Variants in TSKU observed in about 807,000 individuals in gnomAD.
TSKU encodes the protein tsukushi, small leucine rich proteoglycan, also known as tsukushi.
TSKU carries 4 observed loss-of-function variants against 11.2 expected under a neutral mutation model. The ratio of observed to expected loss-of-function variants is 0.36; its 90% CI spans 0.18 to 0.82. The LOEUF is 0.82. Among genes scored for constraint, TSKU ranks in the 40% least tolerant of loss-of-function variants. The pLI, the probability that TSKU is intolerant of heterozygous loss-of-function variation, is 0.50. For missense variants in TSKU, 407 were observed against 482.5 expected (o/e 0.84, Z 1.47); for synonymous variants, 220 against 232.2 (o/e 0.95, Z 0.48).
At position 76,796,423 on chromosome 11, in the gene TSKU, G is replaced by C; in HGVS notation, c.807G>C (p.Trp269Cys). The C allele has an allele frequency of 6.2e-7, 1 of 1,613,596 alleles. No individual in the cohort carries two copies. The highest frequency in any genetic ancestry group is 8.5e-7 in the Non-Finnish European group (1 of 1,179,960). Reference sequence around the variant, plus strand: ...TGTCGGGCAACCCCAAGCTTAACTGGGCAGGAGCTGAGGTGTTTTCAGGCC... The same window carrying C: ...TGTCGGGCAACCCCAAGCTTAACTGCGCAGGAGCTGAGGTGTTTTCAGGCC... The part of the protein sequence containing the change: ...LDLSGNPKLN[W>C]AGAEVFSGLS... The change falls in exon 2 of 2, where the codon TGG becomes TGC. Residue 269 changes from tryptophan (W) to cysteine (C), a missense_variant. Physicochemically the swap from Trp to Cys is radical, Grantham distance 215 (BLOSUM62 -2). Coordinates refer to ENST00000333090, the MANE Select transcript of TSKU (RefSeq NM_015516.4). This position sits in a 1 kb window ranked among gnomAD's most constrained non-coding sequence, Gnocchi z 4.1.
intron 1 of TSKU, among the ~76,000 whole-genome samples, chr11:76,794,440 C>T (rs1322180704): frequency 6.6e-6 from 1 of 152,208 alleles, no homozygotes; most frequent in Admixed American, 6.5e-5. Flanking sequence ...CCCTCCTGCA[C>T]CCTGCCTCTC....
intron 1 of TSKU, among the ~76,000 whole-genome samples, chr11:76,789,947 T>A (rs1944349276): frequency 6.6e-6 from 1 of 151,822 alleles, no homozygotes; most frequent in Non-Finnish European, 1.5e-5. Flanking sequence ...TTAGTGATCT[T>A]GTTATAAGTT....
At chr11:76,790,570 A>G (rs1470430646) in intron 1 of TSKU, among the ~76,000 whole-genome samples, 4 of 152,092 alleles carry the variant, frequency 2.6e-5, no homozygotes, top group Non-Finnish European at 2.9e-5. Context: ...CAGAATTCCC[A>G]TGTGTTGTGG....
intron 1 of TSKU, among the ~76,000 whole-genome samples, chr11:76,790,553 T>C (rs530395624): frequency 2.4e-4 from 36 of 152,298 alleles, no homozygotes; most frequent in African/African-American, 4.3e-4. Context: ...ACTTGAATTG[T>C]ATCTCCCAGA....
At chr11:76,795,083 G>T (rs1944422301) in intron 1 of TSKU, among the ~76,000 whole-genome samples, 1 of 152,218 alleles carries the variant, frequency 6.6e-6, no homozygotes, top group Non-Finnish European at 1.5e-5. Context: ...CCAGAACAGT[G>T]CCTGACGTGT....
In TSKU at chr11:76,797,042, G is replaced by A. The variant is rs1944463721; in HGVS notation, c.*364G>A. 1 of 200,624 alleles carries A rather than the reference G, an allele frequency of 5.0e-6. No individual in the cohort carries two copies. The highest frequency in any genetic ancestry group is 1.1e-5 in the Non-Finnish European group (1 of 90,798). 12.4% of individuals were successfully genotyped at this position (200,624 alleles called of 1,614,324 possible). On this transcript the variant is annotated 3_prime_UTR_variant, in exon 2 of 2. Coordinates refer to ENST00000333090, the MANE Select transcript of TSKU (RefSeq NM_015516.4). ...GTGGGACCCCCTGCTGCAGGGCAGA[G>A]TTCAGGTCCACTGGGCTGAGTGTCC... is the stretch of plus-strand genomic sequence containing the variant.
At chr11:76,790,651 A>G (rs1053789712) in intron 1 of TSKU, among the ~76,000 whole-genome samples, 1 of 152,154 alleles carries the variant, frequency 6.6e-6, no homozygotes, top group African/African-American at 2.4e-5. Flanking sequence ...TGCCACTGCC[A>G]TGTAAGAAGT....
chr11:76,787,966 A>C (rs1023444942), intron 1 of TSKU, among the ~76,000 whole-genome samples: 1 of 152,158 alleles, frequency 6.6e-6, no homozygotes, highest in Non-Finnish European at 1.5e-5. Flanking sequence ...TGGAGAGCAC[A>C]TGGTGGGCTG....
upstream of TSKU, chr11:76,783,185 G>T (rs1944257112): frequency 1.3e-5 from 2 of 152,066 alleles, no homozygotes; most frequent in South Asian, 4.1e-4. Flanking sequence ...CAGGCTCCGC[G>T]GGCGGGGCGC....
chr11:76,790,003 G>T (rs772440834), intron 1 of TSKU, among the ~76,000 whole-genome samples: 1 of 151,992 alleles, frequency 6.6e-6, no homozygotes, highest in Non-Finnish European at 1.5e-5. Context: ...TGAGGACAGG[G>T]ACCCTAGTAT....
intron 1 of TSKU, among the ~76,000 whole-genome samples, chr11:76,789,484 C>T (rs1944343618): frequency 6.6e-6 from 1 of 152,190 alleles, no homozygotes; most frequent in Non-Finnish European, 1.5e-5. Context: ...GGGGCCGTAC[C>T]ATTTACTCTT....
chr11:76,786,524 A>G (rs1251801227), intron 1 of TSKU, among the ~76,000 whole-genome samples: 2 of 152,222 alleles, frequency 1.3e-5, no homozygotes, highest in Non-Finnish European at 2.9e-5. Flanking sequence ...GATGGGTTTT[A>G]AAGAGGGAGC....
At chr11:76,794,411 A>T (rs534453175) in intron 1 of TSKU, among the ~76,000 whole-genome samples, 1 of 152,216 alleles carries the variant, frequency 6.6e-6, no homozygotes, top group Non-Finnish European at 1.5e-5. Flanking sequence ...ATGCCACAGC[A>T]TGTGTCAGTG....
chr11:76,784,429 C>G (rs1379939927), intron 1 of TSKU: 1 of 152,470 alleles, frequency 6.6e-6, no homozygotes, highest in Non-Finnish European at 1.5e-5. Flanking sequence ...TCACAGGACC[C>G]GGAGCTGGGC....
At chr11:76,784,907 C>G (rs1944296392) in intron 1 of TSKU, among the ~76,000 whole-genome samples, 1 of 152,236 alleles carries the variant, frequency 6.6e-6, no homozygotes, top group Non-Finnish European at 1.5e-5. Flanking sequence ...GGCCGCTAAC[C>G]TGGGAAAGAA....
exon 1 of TSKU, chr11:76,783,345 GGGCCCGCGGCC>G (rs1479383332): frequency 6.6e-6 from 1 of 151,230 alleles, no homozygotes; most frequent in East Asian, 1.9e-4. Flanking sequence ...GCTGGCCGGA[GGGCCCGCGGCC>G]GGGCCGCCGG....
At chr11:76,795,304 G>C (rs962948145) in intron 1 of TSKU, among the ~76,000 whole-genome samples, 24 of 152,226 alleles carry the variant, frequency 1.6e-4, no homozygotes, top group African/African-American at 5.8e-4. Flanking sequence ...AGAAGTCGAG[G>C]GCTTCAGGTC....
In TSKU at chr11:76,796,749, T is replaced by G; in HGVS notation, c.*71T>G. ...TGCCTCAGGTCCCGAGTAACTTATG[T>G]TCAATGTGCCAACACCAGTGGGGAG... is the stretch of plus-strand genomic sequence containing the variant. On this transcript the variant is annotated 3_prime_UTR_variant, in exon 2 of 2. Transcript: ENST00000333090. This position sits in a 1 kb window ranked among gnomAD's most constrained non-coding sequence, Gnocchi z 4.1. 1 of 1,249,392 alleles carries G rather than the reference T, an allele frequency of 8.0e-7. No homozygotes were observed. Among genetic ancestry groups the G allele is most frequent in the South Asian group, 2.0e-5 (1 of 50,378 alleles). 77.4% of individuals were successfully genotyped at this position (1,249,392 alleles called of 1,614,324 possible). A position where few individuals can be genotyped will look rare whatever the true frequency, so the allele number is the denominator to read the frequency against.
At chr11:76,783,718 G>A (rs1188370704) in intron 1 of TSKU, among the ~76,000 whole-genome samples, 1 of 152,236 alleles carries the variant, frequency 6.6e-6, no homozygotes, top group African/African-American at 2.4e-5. Context: ...CGCCGCTGTC[G>A]GTGCCTTTGT....
Sources: allele counts gnomAD v4.1 joint callset (sites outside exome capture counted in the v4.1 genomes callset), GRCh38; gene constraint gnomAD v4.1.1; non-coding constraint Gnocchi (gnomAD v3.1); transcripts MANE v1.5; gene names NCBI Gene and HGNC (gene_info 2026-07-23, HGNC 2026-07-21).